Variants in DENND5A observed in about 807,000 individuals in gnomAD.
DENND5A encodes DENN domain containing 5A.
Under a neutral mutation model 140.3 loss-of-function variants are expected in DENND5A, and 64 were observed. The ratio of observed to expected loss-of-function variants is 0.46; its 90% CI spans 0.37 to 0.56. The LOEUF (loss-of-function observed/expected upper bound fraction) is 0.56, where lower values mean the gene tolerates loss of function less well. DENND5A is among the 20% of genes least tolerant of loss of function. The pLI, the probability that DENND5A is intolerant of heterozygous loss-of-function variation, is 0.00. For synonymous variants in DENND5A, 605 were observed against 607.7 expected, an observed-to-expected ratio of 1.00 and a Z score of 0.07; for missense variants, 1,292 against 1,593.8, an observed-to-expected ratio of 0.81 and a Z score of 3.22.
At position 9,247,086 on chromosome 11, in the gene DENND5A, T is replaced by C. The variant is rs552715550; in HGVS notation, c.109+17875A>G. On this transcript the variant is annotated intron_variant, in intron 1 of 22. Coordinates refer to ENST00000328194, the MANE Select transcript of DENND5A (RefSeq NM_015213.4). ...CTACTAAAAAATAGAAAAAATTAGC[T>C]GGGCATGGTGGCAGGCGCCTGTAGT... is the stretch of plus-strand genomic sequence containing the variant. Among the ~76,000 whole-genome samples, 9 of 152,008 alleles carry C rather than the reference T, an allele frequency of 5.9e-5. No homozygotes were observed. In the East Asian group the frequency reaches 1.2e-3, roughly 20 times the overall value.
chr11:9,203,165 T>C (rs143508427), intron 4 of DENND5A, among the ~76,000 whole-genome samples: 77 of 152,312 alleles, frequency 5.1e-4, no homozygotes, highest in African/African-American at 1.7e-3. Flanking sequence ...TACTTTACTA[T>C]TTTGTCCAAA....
chr11:9,197,860 T>G (rs541900330), intron 4 of DENND5A, among the ~76,000 whole-genome samples: 2 of 152,248 alleles, frequency 1.3e-5, no homozygotes. Flanking sequence ...CCCTTTGGAA[T>G]TGTTTTAATT....
chr11:9,231,011 C>CA (rs976371062), intron 1 of DENND5A, among the ~76,000 whole-genome samples: 4 of 151,934 alleles, frequency 2.6e-5, no homozygotes, highest in African/African-American at 9.7e-5. Flanking sequence ...AAAAAAAACC[C>CA]AAAAAACTAC....
At chr11:9,144,588 C>G (rs1454045713) in intron 18 of DENND5A, among the ~76,000 whole-genome samples, 2 of 152,098 alleles carry the variant, frequency 1.3e-5, no homozygotes, top group Non-Finnish European at 2.9e-5. Flanking sequence ...GTCAGGAGTT[C>G]AAGACCAGCC....
Position 9,169,898 on chromosome 11 carries a change from C to T in DENND5A, c.2109G>A (p.Lys703=), listed in dbSNP as rs1848315495. The change falls in exon 10 of 23, where the codon AAG becomes AAA. Residue 703 remains lysine, a synonymous_variant. Coordinates refer to ENST00000328194, the MANE Select transcript of DENND5A (RefSeq NM_015213.4). ...PAQWRRKDRQ[K]QHTEHLRLDN... is the part of the protein sequence containing the mutation. ...CTAAACGCAGGTGTTCTGTGTGCTG[C>T]TTCTGCCGATCTTTCCGCCTCCACT... 1 of 1,613,892 alleles carries T rather than the reference C, an allele frequency of 6.2e-7. No homozygotes were observed. Among genetic ancestry groups the T allele is most frequent in the Non-Finnish European group, 8.5e-7 (1 of 1,179,752 alleles).
At chr11:9,175,669 C>T (rs1848524133) in intron 8 of DENND5A, 1 of 151,858 alleles carries the variant, frequency 6.6e-6, no homozygotes, top group African/African-American at 2.4e-5. Context: ...ACAGAGAATC[C>T]AGAAGTAGAC....
chr11:9,155,433 T>C (rs1325654461), intron 12 of DENND5A, among the ~76,000 whole-genome samples: 1 of 152,190 alleles, frequency 6.6e-6, no homozygotes, highest in Admixed American at 6.5e-5. Context: ...CAGGCCACTA[T>C]ACCAGAAGAA....
chr11:9,243,347 G>A (rs926457616), intron 1 of DENND5A, among the ~76,000 whole-genome samples: 2 of 152,116 alleles, frequency 1.3e-5, no homozygotes, highest in African/African-American at 4.8e-5. Flanking sequence ...CAGATGTTGT[G>A]AGAAAATGGG....
chr11:9,220,153 A>G (rs1850250788), intron 1 of DENND5A, among the ~76,000 whole-genome samples: 1 of 152,242 alleles, frequency 6.6e-6, no homozygotes, highest in Non-Finnish European at 1.5e-5. Context: ...AGCAGGACAA[A>G]GAACACTAAA....
Position 9,192,814 on chromosome 11 carries a change from C to T in DENND5A, c.1137+680G>A, listed in dbSNP as rs372852852. 1.6e-4 allele frequency among the ~76,000 whole-genome samples: 24 copies of T among 152,088 alleles called. No homozygotes were observed. The South Asian group carries it at 2.1e-3, about 13-fold the overall frequency. On this transcript the variant is annotated intron_variant, in intron 5 of 22. Transcript: ENST00000328194. ...CCTGCAGGTAGTTTCACAACAGCCA[C>T]AAAGTAACATACCAGTTCTGCTGGT...
intron 12 of DENND5A, among the ~76,000 whole-genome samples, chr11:9,155,187 T>C (rs1198255661): frequency 1.3e-5 from 2 of 152,002 alleles, no homozygotes; most frequent in South Asian, 2.1e-4. Flanking sequence ...TAACAGATAA[T>C]ATAAGAGCTT....
intron 1 of DENND5A, among the ~76,000 whole-genome samples, chr11:9,213,979 T>A (rs1849986420): frequency 6.6e-6 from 1 of 152,130 alleles, no homozygotes; most frequent in South Asian, 2.1e-4. Flanking sequence ...TTCTTTCCTC[T>A]GCGAATGCAT....
At chr11:9,239,190 T>G (rs879920074) in intron 1 of DENND5A, among the ~76,000 whole-genome samples, 1 of 150,664 alleles carries the variant, frequency 6.6e-6, no homozygotes, top group Non-Finnish European at 1.5e-5. Context: ...AACTCAACAT[T>G]TTATTTATTT....
At chr11:9,140,890 G>A (rs1460347913) in intron 22 of DENND5A, among the ~76,000 whole-genome samples, 1 of 152,158 alleles carries the variant, frequency 6.6e-6, no homozygotes, top group Non-Finnish European at 1.5e-5. Context: ...ACTTTGGGAG[G>A]CCAAGGAAGG....
intron 1 of DENND5A, among the ~76,000 whole-genome samples, chr11:9,232,419 A>G (rs1397885183): frequency 6.6e-6 from 1 of 152,202 alleles, no homozygotes; most frequent in Non-Finnish European, 1.5e-5. Context: ...AAAAACAGCA[A>G]AAGCCCTGAA....
At chr11:9,241,152 A>G (rs1399262175) in intron 1 of DENND5A, among the ~76,000 whole-genome samples, 2 of 152,184 alleles carry the variant, frequency 1.3e-5, no homozygotes, top group African/African-American at 4.8e-5. Flanking sequence ...GAAAGACTCT[A>G]AAGCCAAAGC....
chr11:9,202,115 C>G (rs1220919025), intron 4 of DENND5A, among the ~76,000 whole-genome samples: 1 of 152,112 alleles, frequency 6.6e-6, no homozygotes, highest in African/African-American at 2.4e-5. Context: ...ATCATGAAAA[C>G]ATCAGACAAA....
intron 8 of DENND5A, 74 bp downstream of exon 8, chr11:9,178,058 G>T: frequency 9.9e-7 from 1 of 1,006,342 alleles, no homozygotes; most frequent in Middle Eastern, 2.1e-4. Context: ...AAAGAGGCTG[G>T]CATATTTAGG....
rs1056278563 is a variant in DENND5A, at chr11:9,239,329, G to A, written c.109+25632C>T. 2.7e-5 allele frequency among the ~76,000 whole-genome samples: 4 copies of A among 148,284 alleles called. No homozygotes were observed. In the South Asian group the frequency reaches 8.5e-4, roughly 31 times the overall value. ...CTACAAGTGCACACCACCACACCTG[G>A]CTAAACTTTTTTTTTTTTTTTTTTT... On this transcript the variant is annotated intron_variant, in intron 1 of 22. Transcript: ENST00000328194.
Sources: gnomAD v4.1 joint callset for allele counts (sites outside exome capture counted in the v4.1 genomes callset) on GRCh38, gnomAD v4.1.1 for gene constraint, MANE v1.5 for transcripts, NCBI Gene and HGNC (gene_info 2026-07-23, HGNC 2026-07-21) for gene names.